SRPK2: variants seen among roughly 807,000 people sequenced by gnomAD.
The protein encoded by SRPK2 is SRSF protein kinase 2, also known as SFRS protein kinase 2.
Under a neutral mutation model 90.8 loss-of-function variants are expected in SRPK2, and 21 were observed. The ratio of observed to expected loss-of-function variants is 0.23; its 90% CI spans 0.16 to 0.33. The LOEUF is 0.33. SRPK2 is among the 10% of genes least tolerant of loss of function. The pLI is 1.00. For missense variants in SRPK2, 620 were observed against 869.0 expected (o/e 0.71, Z 3.60); for synonymous variants, 288 against 311.1 (o/e 0.93, Z 0.78).
intron 2 of SRPK2, among the ~76,000 whole-genome samples, chr7:105,348,897 G>A (rs1816801182): frequency 6.6e-6 from 1 of 151,916 alleles, no homozygotes; most frequent in African/African-American, 2.4e-5. Flanking sequence ...CGTAATCCCA[G>A]CACTTTGGGA....
chr7:105,145,422 T>G, intron 8 of SRPK2, 114 bp from the exon 9 acceptor site: 1 of 648,396 alleles, frequency 1.5e-6, no homozygotes, highest in Non-Finnish European at 2.5e-6. Flanking sequence ...CTATCCAACT[T>G]CAAAAACTAT....
chr7:105,265,822 G>A (rs1027295133), intron 2 of SRPK2, among the ~76,000 whole-genome samples: 3 of 151,962 alleles, frequency 2.0e-5, no homozygotes, highest in Non-Finnish European at 2.9e-5. Context: ...TATCTTCCTC[G>A]TAACTATTAT....
In SRPK2 at chr7:105,142,108, CA is replaced by C; in HGVS notation, c.1442del (p.Val481GlyfsTer44). ...CAGTAAGTGGTGATCCCTCAGAAAGCACAGAGCCGCAGGCCACAGGTTCTAA... is the reference window on the plus strand; with the variant it reads ...CAGTAAGTGGTGATCCCTCAGAAAGCCAGAGCCGCAGGCCACAGGTTCTAA... ...GSLEPVACGS[V>X]LSEGSPLTEQ... On this transcript the variant is annotated frameshift_variant, in exon 11 of 16. Coordinates refer to ENST00000393651, the MANE Select transcript of SRPK2 (RefSeq NM_182692.3). LOFTEE classifies it high-confidence loss of function. 1 of 1,614,160 alleles carries C rather than the reference CA, an allele frequency of 6.2e-7. No individual in the cohort carries two copies. The highest frequency in any genetic ancestry group is 8.5e-7 in the Non-Finnish European group (1 of 1,180,018).
intron 7 of SRPK2, among the ~76,000 whole-genome samples, chr7:105,154,065 C>T (rs1228116956): frequency 2.0e-5 from 3 of 152,200 alleles, no homozygotes; most frequent in Admixed American, 6.5e-5. Flanking sequence ...CACGCTCAAA[C>T]CAAAAATCCA....
chr7:105,303,484 A>G (rs959425114), intron 2 of SRPK2, among the ~76,000 whole-genome samples: 1 of 152,172 alleles, frequency 6.6e-6, no homozygotes, highest in Non-Finnish European at 1.5e-5. Context: ...TGACCTGAGT[A>G]AAAAGTAATT....
chr7:105,276,113 G>T (rs981263437), intron 2 of SRPK2, among the ~76,000 whole-genome samples: 21 of 151,694 alleles, frequency 1.4e-4, no homozygotes, highest in Non-Finnish European at 1.9e-4. Flanking sequence ...ACAGAGTCTT[G>T]CTCTGTCACC....
intron 8 of SRPK2, 92 bp downstream of exon 8, chr7:105,146,401 G>A (rs1804634341): frequency 7.5e-6 from 10 of 1,335,284 alleles, no homozygotes; most frequent in Middle Eastern, 1.9e-4. Context: ...TCTTCCTTAT[G>A]TGTAACGTTT....
chr7:105,145,122 A>C (rs1421742668), intron 9 of SRPK2, among the ~76,000 whole-genome samples, 161 bp downstream of exon 9: 1 of 152,106 alleles, frequency 6.6e-6, no homozygotes, highest in Non-Finnish European at 1.5e-5. Context: ...AAAAAAAAAA[A>C]AAAAATTAAC....
chr7:105,232,797 G>A (rs950406065), intron 2 of SRPK2, among the ~76,000 whole-genome samples: 5 of 151,750 alleles, frequency 3.3e-5, no homozygotes, highest in African/African-American at 9.7e-5. Flanking sequence ...GGTGGATTAC[G>A]AGGTCAAGAG....
chr7:105,388,110 A>G (rs1223760109), intron 2 of SRPK2, among the ~76,000 whole-genome samples: 1 of 152,158 alleles, frequency 6.6e-6, no homozygotes, highest in Non-Finnish European at 1.5e-5. Flanking sequence ...ACCACTTGAC[A>G]ACCAGCTTAG....
intron 2 of SRPK2, among the ~76,000 whole-genome samples, chr7:105,213,340 C>T (rs978534764): frequency 1.3e-5 from 2 of 152,130 alleles, no homozygotes; most frequent in African/African-American, 4.8e-5. Context: ...AAATCTATAG[C>T]TGAAAAGTAA....
chr7:105,318,525 A>G (rs1459076607), intron 2 of SRPK2, among the ~76,000 whole-genome samples: 1 of 152,240 alleles, frequency 6.6e-6, no homozygotes, highest in Non-Finnish European at 1.5e-5. Context: ...AATTTTTTAG[A>G]GTCTGTCCTA....
Position 105,363,585 on chromosome 7 carries a change from G to A in SRPK2, c.71+25063C>T, listed in dbSNP as rs181093047. On this transcript the variant is annotated intron_variant, in intron 2 of 15. Coordinates refer to ENST00000393651, the MANE Select transcript of SRPK2 (RefSeq NM_182692.3). The stretch of plus-strand genomic sequence containing the variant: ...ACACTTTTACACGGTTGGTGGGAGT[G>A]TAAATTAGTTCAACCCTTGTGGAAG... Among the ~76,000 whole-genome samples the A allele has an allele frequency of 1.2e-3, 187 of 152,294 alleles. 1 individual carries two copies. The highest frequency in any genetic ancestry group is 2.0e-3 in the Non-Finnish European group (136 of 68,038).
intron 3 of SRPK2, among the ~76,000 whole-genome samples, chr7:105,191,207 C>A (rs1332104292): frequency 6.6e-6 from 1 of 152,110 alleles, no homozygotes; most frequent in East Asian, 1.9e-4. Flanking sequence ...CATAGCCAAA[C>A]GATATCCAAT....
At position 105,241,107 on chromosome 7, in the gene SRPK2, T is replaced by C. The variant is rs569289198; in HGVS notation, c.72-37322A>G. Among the ~76,000 whole-genome samples, 8 of 152,280 alleles carry C rather than the reference T, an allele frequency of 5.3e-5. No homozygotes were observed. The South Asian group carries it at 1.7e-3, about 32-fold the overall frequency. On this transcript the variant is annotated intron_variant, in intron 2 of 15. Transcript: ENST00000393651. ...GAGGCTGCATGGTAAGAAAAGGATGTAAACTTTTTAAATGTTGTTTCTAAG... is the reference window on the plus strand; with the variant it reads ...GAGGCTGCATGGTAAGAAAAGGATGCAAACTTTTTAAATGTTGTTTCTAAG...
intron 2 of SRPK2, among the ~76,000 whole-genome samples, chr7:105,331,398 C>T (rs1814386542): frequency 6.9e-6 from 1 of 144,056 alleles, no homozygotes; most frequent in African/African-American, 2.6e-5. Flanking sequence ...CAAAAAAGTT[C>T]AGATATATCA....
chr7:105,283,459 A>G lies in SRPK2; in HGVS notation c.72-79674T>C, dbSNP rs1426711569. On this transcript the variant is annotated intron_variant, in intron 2 of 15. Coordinates refer to ENST00000393651, the MANE Select transcript of SRPK2 (RefSeq NM_182692.3). ...CATATGTAAAAGAAAGAGTACTAAT[A>G]CATGCTACCGTATGGCTGAACGCTG... 2.0e-5 allele frequency among the ~76,000 whole-genome samples: 3 copies of G among 152,256 alleles called. 1 individual carries two copies. The highest frequency in any genetic ancestry group is 4.4e-5 in the Non-Finnish European group (3 of 68,044).
intron 2 of SRPK2, among the ~76,000 whole-genome samples, chr7:105,365,252 A>G (rs1225165746): frequency 6.6e-5 from 10 of 152,080 alleles, no homozygotes. Flanking sequence ...TGGAAGGCTG[A>G]GGCGGGTGGA....
chr7:105,317,085 C>CAA lies in SRPK2; in HGVS notation c.71+71561_71+71562dup, dbSNP rs573164109. Among the ~76,000 whole-genome samples, 19 of 152,316 alleles carry CAA rather than the reference C, an allele frequency of 1.2e-4. No individual in the cohort carries two copies. In the East Asian group the frequency reaches 3.7e-3, roughly 29 times the overall value. Reference sequence around the variant, plus strand: ...AATGTTTATACCTTCCAGCAGTTCTCAAAGTGTGGTTCACAAACCTTCAGA... The same window carrying CAA: ...AATGTTTATACCTTCCAGCAGTTCTCAAAAAGTGTGGTTCACAAACCTTCAGA... On this transcript the variant is annotated intron_variant, in intron 2 of 15. Transcript: ENST00000393651.
Sources: gnomAD v4.1 joint callset for allele counts (sites outside exome capture counted in the v4.1 genomes callset) on GRCh38, gnomAD v4.1.1 for gene constraint, MANE v1.5 for transcripts, NCBI Gene and HGNC (gene_info 2026-07-23, HGNC 2026-07-21) for gene names.